The following CALD1 variants were observed in gnomAD, a reference collection of about 807,000 sequenced individuals.
CALD1 encodes the protein caldesmon.
CALD1 carries 33 observed loss-of-function variants against 99.9 expected under a neutral mutation model. The observed-to-expected ratio is 0.33, with a 90% confidence interval of 0.25 to 0.44. The LOEUF is 0.44. Among genes scored for constraint, CALD1 ranks in the 20% least tolerant of loss-of-function variants. CALD1 has a pLI of 1.00. For missense variants in CALD1, 861 were observed against 962.1 expected (o/e 0.89, Z 1.39); for synonymous variants, 310 against 325.0 (o/e 0.95, Z 0.50).
At chr7:134,914,234 T>TA (rs1804038698) in intron 3 of CALD1, among the ~76,000 whole-genome samples, 1 of 152,088 alleles carries the variant, frequency 6.6e-6, no homozygotes, top group Admixed American at 6.6e-5. Context: ...GTGACAAGAA[T>TA]AAAAAAGGAC....
intron 1 of CALD1, among the ~76,000 whole-genome samples, chr7:134,819,345 C>A (rs1798680958): frequency 6.6e-6 from 1 of 152,150 alleles, no homozygotes. Flanking sequence ...TCTCTGTGCC[C>A]TGACAATTCC....
chr7:134,807,851 C>T (rs1798205980), intron 1 of CALD1, among the ~76,000 whole-genome samples: 1 of 152,108 alleles, frequency 6.6e-6, no homozygotes, highest in South Asian at 2.1e-4. Context: ...TGGTCTTGAA[C>T]TCCTGACCTC....
Position 134,792,477 on chromosome 7 carries a change from A to C in CALD1, c.-130+12728A>C, listed in dbSNP as rs562179063. On this transcript the variant is annotated intron_variant, in intron 1 of 14. Transcript: ENST00000361675. ...GCTAATTTTTTTGTATTTTTAGTAG[A>C]GACAAGGTTTTGCCATGTTGGGCAG... Among the ~76,000 whole-genome samples, 3 of 151,942 alleles carry C rather than the reference A, an allele frequency of 2.0e-5. No individual in the cohort carries two copies. The East Asian group carries it at 5.8e-4, about 30-fold the overall frequency.
chr7:134,798,590 T>C (rs1373195967), intron 1 of CALD1, among the ~76,000 whole-genome samples: 1 of 152,120 alleles, frequency 6.6e-6, no homozygotes, highest in Admixed American at 6.6e-5. Flanking sequence ...TGAGTGACGT[T>C]CCCCCAAATC....
intron 13 of CALD1, among the ~76,000 whole-genome samples, chr7:134,963,360 G>T (rs1808421007): frequency 6.6e-6 from 1 of 152,162 alleles, no homozygotes; most frequent in Non-Finnish European, 1.5e-5. Context: ...AGGAAATCCA[G>T]AAACTCAGTA....
At chr7:134,749,446 C>T (rs1005957811) in intron 1 of CALD1, among the ~76,000 whole-genome samples, 5 of 152,126 alleles carry the variant, frequency 3.3e-5, no homozygotes, top group African/African-American at 1.2e-4. Context: ...ATGGTGAAAC[C>T]CCATCTCTAC....
chr7:134,772,598 A>C (rs1396152454), intron 1 of CALD1, among the ~76,000 whole-genome samples: 2 of 152,196 alleles, frequency 1.3e-5, no homozygotes, highest in African/African-American at 4.8e-5. Flanking sequence ...TTTGGTAAAA[A>C]TCAATGTGCA....
At chr7:134,873,316 T>C (rs551836309) in intron 3 of CALD1, among the ~76,000 whole-genome samples, 192 of 152,346 alleles carry the variant, frequency 1.3e-3, no homozygotes, top group Middle Eastern at 6.8e-3. Flanking sequence ...TGCACCTTCA[T>C]GTGCCTCTTC....
At chr7:134,922,211 A>G (rs1389322328) in intron 3 of CALD1, among the ~76,000 whole-genome samples, 2 of 152,200 alleles carry the variant, frequency 1.3e-5, no homozygotes, top group Non-Finnish European at 2.9e-5. Flanking sequence ...TGTACTCTCT[A>G]TAGACTTAAA....
intron 1 of CALD1, among the ~76,000 whole-genome samples, chr7:134,801,800 T>A (rs1053285664): frequency 1.3e-5 from 2 of 151,542 alleles, no homozygotes; most frequent in African/African-American, 4.9e-5. Flanking sequence ...TGTATTTTTT[T>A]AAAAGATGCT....
intron 1 of CALD1, among the ~76,000 whole-genome samples, chr7:134,766,741 G>T (rs1335573634): frequency 6.6e-6 from 1 of 152,146 alleles, no homozygotes; most frequent in African/African-American, 2.4e-5. Flanking sequence ...AATGTCAAGA[G>T]GCCAGAGAGA....
intron 7 of CALD1, chr7:134,944,541 A>G (rs1181257466): frequency 6.6e-6 from 1 of 151,754 alleles, no homozygotes; most frequent in African/African-American, 2.4e-5. Flanking sequence ...ACATATATAT[A>G]TTATAAAATC....
chr7:134,754,561 C>T (rs1796711743), intron 1 of CALD1, among the ~76,000 whole-genome samples: 1 of 152,226 alleles, frequency 6.6e-6, no homozygotes, highest in South Asian at 2.1e-4. Flanking sequence ...CCTCTGTTAA[C>T]AGATGTGTAG....
chr7:134,927,478 G>C (rs1027509913), intron 3 of CALD1, among the ~76,000 whole-genome samples: 1 of 149,520 alleles, frequency 6.7e-6, no homozygotes, highest in Admixed American at 6.7e-5. Context: ...CTTGAGCCTG[G>C]GAGGTCAAGG....
chr7:134,853,070 C>G (rs1178398017), intron 2 of CALD1, among the ~76,000 whole-genome samples: 2 of 152,214 alleles, frequency 1.3e-5, no homozygotes, highest in Non-Finnish European at 2.9e-5. Flanking sequence ...AAGATGCCCT[C>G]TTTCATGCCT....
chr7:134,747,960 G>T (rs1236707408), intron 1 of CALD1, among the ~76,000 whole-genome samples: 1 of 152,208 alleles, frequency 6.6e-6, no homozygotes, highest in Non-Finnish European at 1.5e-5. Context: ...AACAGAGAGA[G>T]CTGTGCCATA....
chr7:134,835,629 T>C (rs1247209030), intron 1 of CALD1, among the ~76,000 whole-genome samples: 1 of 152,196 alleles, frequency 6.6e-6, no homozygotes, highest in African/African-American at 2.4e-5. Flanking sequence ...TTGACTTAAT[T>C]GCACAATAGA....
At chr7:134,820,034 AT>A (rs765462250) in intron 1 of CALD1, among the ~76,000 whole-genome samples, 7 of 152,242 alleles carry the variant, frequency 4.6e-5, no homozygotes, top group Non-Finnish European at 8.8e-5. Context: ...TGGTTTTGAA[AT>A]TTTGTTAATG....
At chr7:134,887,585 T>C (rs1801917702) in intron 3 of CALD1, among the ~76,000 whole-genome samples, 1 of 151,872 alleles carries the variant, frequency 6.6e-6, no homozygotes, top group Non-Finnish European at 1.5e-5. Context: ...ATGTTATGTG[T>C]GTGCATGTGT....
Sources: gnomAD v4.1 joint callset for allele counts (sites outside exome capture counted in the v4.1 genomes callset) on GRCh38, gnomAD v4.1.1 for gene constraint, MANE v1.5 for transcripts, NCBI Gene and HGNC (gene_info 2026-07-23, HGNC 2026-07-21) for gene names.